The following ASB3 variants were observed in gnomAD, a reference collection of about 807,000 sequenced individuals.
ASB3 encodes the protein ankyrin repeat and SOCS box containing 3.
ASB3 carries 41 observed loss-of-function variants against 54.5 expected under a neutral mutation model. The observed-to-expected ratio is 0.75, with a 90% CI of 0.59 to 0.98. The LOEUF (loss-of-function observed/expected upper bound fraction) is 0.98, where lower values mean the gene tolerates loss of function less well. Among genes scored for constraint, ASB3 ranks in the 50% least tolerant of loss-of-function variants. ASB3 has a pLI of 0.00. For missense variants in ASB3, 733 were observed against 620.0 expected (o/e 1.18, Z -1.94); for synonymous variants, 266 against 221.2 (o/e 1.20, Z -1.80).
chr2:53,744,495 T>G (rs1672121864), intron 3 of ASB3, among the ~76,000 whole-genome samples: 1 of 151,334 alleles, frequency 6.6e-6, no homozygotes, highest in Non-Finnish European at 1.5e-5. Flanking sequence ...AACATGAAAT[T>G]AACACTTTTT....
At chr2:53,753,178 G>T (rs974515808) in intron 2 of ASB3, among the ~76,000 whole-genome samples, 1 of 152,102 alleles carries the variant, frequency 6.6e-6, no homozygotes, top group Non-Finnish European at 1.5e-5. Flanking sequence ...AAAGACACTG[G>T]TCTACATAAC....
intron 9 of ASB3, among the ~76,000 whole-genome samples, chr2:53,693,634 TTAAAA>T (rs1669032034): frequency 6.6e-6 from 1 of 152,148 alleles, no homozygotes; most frequent in South Asian, 2.1e-4. Flanking sequence ...TATCATAAAA[TTAAAA>T]TATCAGTAAA....
intron 6 of ASB3, among the ~76,000 whole-genome samples, chr2:53,716,171 A>G (rs902972013): frequency 2.6e-5 from 4 of 152,200 alleles, no homozygotes. Context: ...ACACACTCCA[A>G]CAGGCATCAC....
intron 7 of ASB3, among the ~76,000 whole-genome samples, chr2:53,703,880 TAAAA>T (rs1669623098): frequency 6.6e-6 from 1 of 152,200 alleles, no homozygotes; most frequent in Non-Finnish European, 1.5e-5. Flanking sequence ...ATTGTTGCTA[TAAAA>T]ATAAAATTTT....
chr2:53,767,342 G>A (rs1458222673), intron 1 of ASB3: 1 of 151,872 alleles, frequency 6.6e-6, no homozygotes, highest in East Asian at 1.9e-4. Context: ...TTTTTTTTCA[G>A]GACATAAAAT....
chr2:53,721,708 A>T (rs973380214), intron 5 of ASB3, among the ~76,000 whole-genome samples: 1 of 152,230 alleles, frequency 6.6e-6, no homozygotes, highest in African/African-American at 2.4e-5. Context: ...AAAAGTGTTA[A>T]GAAGTTTATA....
At chr2:53,780,042 C>T (rs997379025) in intron 1 of ASB3, among the ~76,000 whole-genome samples, 3 of 152,174 alleles carry the variant, frequency 2.0e-5, no homozygotes, top group Non-Finnish European at 4.4e-5. Context: ...ACATCAAGAG[C>T]CAGAGTTTCT....
chr2:53,767,929 T>C, intron 1 of ASB3: 1 of 1,614,018 alleles, frequency 6.2e-7, no homozygotes, highest in Non-Finnish European at 8.5e-7. Context: ...GAAGGTGGAT[T>C]TCCCCTATCA....
At chr2:53,741,804 G>A (rs1671948060) in intron 3 of ASB3, among the ~76,000 whole-genome samples, 1 of 151,918 alleles carries the variant, frequency 6.6e-6, no homozygotes, top group African/African-American at 2.4e-5. Context: ...TCCAACATCA[G>A]CAAGAAAAAT....
intron 2 of ASB3, among the ~76,000 whole-genome samples, chr2:53,754,980 T>C (rs1672733693): frequency 6.6e-6 from 1 of 152,220 alleles, no homozygotes; most frequent in South Asian, 2.1e-4. Context: ...CTCACTCTCT[T>C]CCCTTCTCTA....
chr2:53,752,166 C>G (rs1401548568), intron 2 of ASB3, among the ~76,000 whole-genome samples: 1 of 152,084 alleles, frequency 6.6e-6, no homozygotes, highest in Non-Finnish European at 1.5e-5. Flanking sequence ...AAACTTAATA[C>G]ACTTCTAATA....
chr2:53,727,977 T>G (rs188060147), intron 5 of ASB3, among the ~76,000 whole-genome samples: 1 of 152,156 alleles, frequency 6.6e-6, no homozygotes, highest in African/African-American at 2.4e-5. Flanking sequence ...CTGCCCACCT[T>G]GGCCTCCCAA....
At chr2:53,752,916 A>G (rs763055574) in intron 2 of ASB3, among the ~76,000 whole-genome samples, 1 of 152,276 alleles carries the variant, frequency 6.6e-6, no homozygotes, top group South Asian at 2.1e-4. Flanking sequence ...GAAGCCAAGG[A>G]ACTTTCTCTT....
In ASB3 at chr2:53,733,900, C is replaced by T. The variant is rs536555662; in HGVS notation, c.356-4330G>A. Among the ~76,000 whole-genome samples, 12 of 152,306 alleles carry T rather than the reference C, an allele frequency of 7.9e-5. No homozygotes were observed. The South Asian group carries it at 1.5e-3, about 18-fold the overall frequency. On this transcript the variant is annotated intron_variant, in intron 3 of 9. Coordinates refer to ENST00000263634, the MANE Select transcript of ASB3 (RefSeq NM_016115.5). ...AAGCCAGTGATAAGCATTGTTTCTA[C>T]AGATTATAGATTAACTAAAAGTATT...
intron 3 of ASB3, among the ~76,000 whole-genome samples, chr2:53,736,577 T>C (rs1012969739): frequency 1.3e-5 from 2 of 151,900 alleles, no homozygotes; most frequent in African/African-American, 2.4e-5. Context: ...CGGGCGCCTG[T>C]AGTCCCAACT....
chr2:53,708,145 T>C (rs888649069), intron 7 of ASB3, among the ~76,000 whole-genome samples: 9 of 152,054 alleles, frequency 5.9e-5, no homozygotes, highest in Non-Finnish European at 1.3e-4. Flanking sequence ...ATCATGGGGA[T>C]GGGTTTCTCA....
At chr2:53,743,105 G>C (rs181739625) in intron 3 of ASB3, among the ~76,000 whole-genome samples, 71 of 151,422 alleles carry the variant, frequency 4.7e-4, no homozygotes, top group Non-Finnish European at 7.8e-4. Flanking sequence ...TTTTGTACCT[G>C]ATCAAACTGC....
In ASB3 at chr2:53,750,831, C is replaced by T; in HGVS notation, c.307G>A (p.Ala103Thr). Residue 103 changes from alanine (A) to threonine (T), a missense_variant, in exon 3 of 10, where the codon GCA becomes ACA. By Grantham distance (58) the Ala-to-Thr change is moderately conservative. Coordinates refer to ENST00000263634, the MANE Select transcript of ASB3 (RefSeq NM_016115.5). ...TCTAAAGTAGTTGCATTAGGATCTG[C>T]CCCAGCTTCTAAAAGAATCTGTACG... ...KIVQILLEAG[A>T]DPNATTLEET... The T allele has an allele frequency of 6.2e-7, 1 of 1,601,952 alleles. No homozygotes were observed. The highest frequency in any genetic ancestry group is 8.5e-7 in the Non-Finnish European group (1 of 1,174,192).
At chr2:53,702,177 C>CA (rs1265085504) in intron 7 of ASB3, among the ~76,000 whole-genome samples, 1 of 152,082 alleles carries the variant, frequency 6.6e-6, no homozygotes, top group African/African-American at 2.4e-5. Flanking sequence ...GAGTAAATCC[C>CA]AAAAGGCTTA....
Sources: allele counts gnomAD v4.1 joint callset (sites outside exome capture counted in the v4.1 genomes callset), GRCh38; gene constraint gnomAD v4.1.1; transcripts MANE v1.5; gene names NCBI Gene and HGNC (gene_info 2026-07-23, HGNC 2026-07-21).